The following PACRG variants were observed in gnomAD, a reference collection of about 807,000 sequenced individuals.
PACRG encodes the protein parkin coregulated gene protein.
A neutral mutation model predicts 29.7 loss-of-function variants in PACRG; 29 were observed. That is an observed-to-expected ratio of 0.98 (90% CI 0.73 to 1.33). The LOEUF (loss-of-function observed/expected upper bound fraction) is 1.33, where lower values mean the gene tolerates loss of function less well. PACRG is among the 40% of genes most tolerant of loss of function. PACRG has a pLI of 0.00. For missense variants in PACRG, 279 were observed against 316.2 expected (o/e 0.88, Z 0.89); for synonymous variants, 116 against 118.7 (o/e 0.98, Z 0.15).
intron 4 of PACRG, among the ~76,000 whole-genome samples, chr6:163,142,794 A>T (rs1484325621): frequency 2.6e-5 from 4 of 152,170 alleles, no homozygotes; most frequent in African/African-American, 7.2e-5. Flanking sequence ...GCACCCTGTG[A>T]TATTCTCTCC....
chr6:162,749,449 T>G (rs1412720351), intron 1 of PACRG, among the ~76,000 whole-genome samples: 2 of 152,234 alleles, frequency 1.3e-5, no homozygotes, highest in Non-Finnish European at 2.9e-5. Context: ...TTATACTTAT[T>G]ACAGAGTATG....
At chr6:163,257,398 T>A (rs13197490) in intron 4 of PACRG, among the ~76,000 whole-genome samples, 40,165 of 152,042 alleles carry the variant, frequency 0.26, 5,761 homozygotes, top group East Asian at 0.35. Context: ...GCGCAGTTGG[T>A]TGAACAAGTC....
chr6:163,011,195 A>C (rs1474919165), intron 2 of PACRG, among the ~76,000 whole-genome samples: 1 of 152,182 alleles, frequency 6.6e-6, no homozygotes, highest in Non-Finnish European at 1.5e-5. Context: ...GTCATGCGAC[A>C]CTTAATGACT....
At chr6:163,148,145 C>T (rs1360089400) in intron 4 of PACRG, among the ~76,000 whole-genome samples, 1 of 152,068 alleles carries the variant, frequency 6.6e-6, no homozygotes, top group Non-Finnish European at 1.5e-5. Flanking sequence ...GTGTTGAGGG[C>T]GGGTATTCTT....
intron 2 of PACRG, among the ~76,000 whole-genome samples, chr6:162,889,084 G>A (rs1456701205): frequency 6.6e-6 from 1 of 152,180 alleles, no homozygotes; most frequent in Non-Finnish European, 1.5e-5. Context: ...CTGACACTAT[G>A]AGAGGGAGAA....
chr6:163,053,260 C>T (rs1043704239), intron 2 of PACRG, among the ~76,000 whole-genome samples: 12 of 152,116 alleles, frequency 7.9e-5, no homozygotes, highest in African/African-American at 2.2e-4. Flanking sequence ...GAGAAGAACT[C>T]TTAGGAATAG....
intron 4 of PACRG, among the ~76,000 whole-genome samples, chr6:163,271,664 G>A (rs1006143052): frequency 2.6e-5 from 4 of 152,170 alleles, no homozygotes; most frequent in Non-Finnish European, 5.9e-5. Context: ...ATTCCTGTAT[G>A]TATGTTTGCC....
intron 2 of PACRG, among the ~76,000 whole-genome samples, chr6:163,004,939 T>C (rs1241424864): frequency 6.6e-6 from 1 of 152,014 alleles, no homozygotes; most frequent in Admixed American, 6.6e-5. Context: ...TCAGTCTTCT[T>C]ATTTTAAATT....
intron 1 of PACRG, among the ~76,000 whole-genome samples, chr6:162,792,598 A>G (rs1306248366): frequency 6.6e-6 from 1 of 152,166 alleles, no homozygotes; most frequent in African/African-American, 2.4e-5. Flanking sequence ...ACAGTCTGAA[A>G]GAGGAGGCAG....
At chr6:162,781,067 A>G (rs1226779176) in intron 1 of PACRG, among the ~76,000 whole-genome samples, 1 of 151,994 alleles carries the variant, frequency 6.6e-6, no homozygotes, top group Non-Finnish European at 1.5e-5. Context: ...AAGAAAGATG[A>G]AGAAAATGAC....
chr6:163,149,834 C>CT (rs1314689090), intron 4 of PACRG, among the ~76,000 whole-genome samples: 1 of 152,204 alleles, frequency 6.6e-6, no homozygotes, highest in Non-Finnish European at 1.5e-5. Flanking sequence ...CCTGCGTTTC[C>CT]TACCTGGGTC....
intron 4 of PACRG, among the ~76,000 whole-genome samples, chr6:163,304,015 C>CAAAA (rs59861286): frequency 1.0e-4 from 8 of 76,256 alleles, no homozygotes; most frequent in South Asian, 5.1e-4. Context: ...GACTCCATTT[C>CAAAA]AAAAAAAAAA....
intron 4 of PACRG, among the ~76,000 whole-genome samples, chr6:163,120,676 T>C: frequency 6.6e-6 from 1 of 152,094 alleles, no homozygotes; most frequent in South Asian, 2.1e-4. Context: ...TGTTTTTGGT[T>C]TTTCTTTTTA....
intron 3 of PACRG, among the ~76,000 whole-genome samples, chr6:163,077,669 A>C (rs1812673207): frequency 6.6e-6 from 1 of 152,222 alleles, no homozygotes; most frequent in African/African-American, 2.4e-5. Flanking sequence ...GAACGTGATC[A>C]TAATTATTTT....
At chr6:163,097,131 A>G (rs946625790) in intron 4 of PACRG, among the ~76,000 whole-genome samples, 5 of 152,182 alleles carry the variant, frequency 3.3e-5, no homozygotes, top group African/African-American at 1.2e-4. Context: ...GCCCCAGTGA[A>G]CTAGTGAAAT....
chr6:163,205,863 G>A (rs58829423), intron 4 of PACRG, among the ~76,000 whole-genome samples: 4,705 of 151,952 alleles, frequency 0.031, 230 homozygotes, highest in African/African-American at 0.11. Context: ...AGGAATTTAC[G>A]GGCAAAAACC....
chr6:163,079,333 T>A (rs1056944451), intron 3 of PACRG, among the ~76,000 whole-genome samples: 14 of 151,430 alleles, frequency 9.2e-5, no homozygotes, highest in African/African-American at 3.4e-4. Context: ...ATACATGAGG[T>A]ATCCCACTCA....
intron 2 of PACRG, among the ~76,000 whole-genome samples, chr6:162,928,827 C>CA (rs1554306597): frequency 5.5e-5 from 8 of 146,676 alleles, no homozygotes; most frequent in Non-Finnish European, 1.1e-4. Flanking sequence ...ATAAGGTCCA[C>CA]TTTTTTTTTT....
At chr6:162,885,059 A>G (rs1794215676) in intron 2 of PACRG, among the ~76,000 whole-genome samples, 1 of 152,132 alleles carries the variant, frequency 6.6e-6, no homozygotes, top group African/African-American at 2.4e-5. Context: ...TCACTTGCCC[A>G]TTAAAAAAGC....
Sources: gnomAD v4.1 joint callset for allele counts (sites outside exome capture counted in the v4.1 genomes callset) on GRCh38, gnomAD v4.1.1 for gene constraint, MANE v1.5 for transcripts, NCBI Gene and HGNC (gene_info 2026-07-23, HGNC 2026-07-21) for gene names.